PELI2: variants seen among roughly 807,000 people sequenced by gnomAD.
The protein encoded by PELI2 is E3 ubiquitin-protein ligase pellino homolog 2.
PELI2 carries 23 observed loss-of-function variants against 42.3 expected under a neutral mutation model. That is an observed-to-expected ratio of 0.54 (90% confidence interval 0.39 to 0.77). The LOEUF is 0.77. Among genes scored for constraint, PELI2 ranks in the 30% least tolerant of loss-of-function variants. The pLI is 0.00. For synonymous variants in PELI2, 245 were observed against 212.2 expected (o/e 1.15, Z -1.34); for missense variants, 463 against 553.2 (o/e 0.84, Z 1.64).
chr14:56,234,296 A>G (rs1471083931), intron 2 of PELI2, among the ~76,000 whole-genome samples: 1 of 152,172 alleles, frequency 6.6e-6, no homozygotes, highest in Non-Finnish European at 1.5e-5. Flanking sequence ...AAAGACACAT[A>G]CACACGTATG....
intron 2 of PELI2, among the ~76,000 whole-genome samples, chr14:56,251,302 G>A (rs555409327): frequency 6.6e-6 from 1 of 152,340 alleles, no homozygotes; most frequent in South Asian, 2.1e-4. Context: ...ATCCTCCTAG[G>A]AAGATAGTAG....
intron 1 of PELI2, among the ~76,000 whole-genome samples, chr14:56,139,084 A>G (rs1883800289): frequency 1.3e-5 from 2 of 152,240 alleles, no homozygotes; most frequent in Non-Finnish European, 2.9e-5. Flanking sequence ...AATAAGCCAC[A>G]GAATCCTTAA....
intron 1 of PELI2, among the ~76,000 whole-genome samples, chr14:56,153,953 T>C (rs1159212066): frequency 6.6e-6 from 1 of 152,188 alleles, no homozygotes; most frequent in Non-Finnish European, 1.5e-5. Context: ...CAAATCTAAA[T>C]TGAGTAATAC....
At chr14:56,142,895 A>G (rs3912203) in intron 1 of PELI2, among the ~76,000 whole-genome samples, 19,378 of 152,172 alleles carry the variant, frequency 0.13, 1,442 homozygotes, top group Middle Eastern at 0.17. Flanking sequence ...AAATTGTTCA[A>G]CTATACAGAG....
At chr14:56,282,978 TTTTTTACCACTTAA>T (rs1889529434) in intron 3 of PELI2, among the ~76,000 whole-genome samples, 1 of 152,230 alleles carries the variant, frequency 6.6e-6, no homozygotes, top group African/African-American at 2.4e-5. Context: ...TCAGTGATAC[TTTTTTACCACTTAA>T]ATTCAAAAAC....
At chr14:56,246,738 T>G (rs1289621551) in intron 2 of PELI2, among the ~76,000 whole-genome samples, 1 of 152,228 alleles carries the variant, frequency 6.6e-6, no homozygotes, top group Non-Finnish European at 1.5e-5. Context: ...GACTCAAAAG[T>G]TAAGTAAATT....
intron 1 of PELI2, among the ~76,000 whole-genome samples, chr14:56,119,403 G>A (rs1023623656): frequency 1.3e-5 from 2 of 152,042 alleles, no homozygotes; most frequent in Admixed American, 6.5e-5. Context: ...TGGAGGGGAG[G>A]GACAGGATGC....
At chr14:56,278,748 T>C (rs1889381212) in intron 2 of PELI2, among the ~76,000 whole-genome samples, 1 of 152,204 alleles carries the variant, frequency 6.6e-6, no homozygotes, top group Non-Finnish European at 1.5e-5. Flanking sequence ...CAGTTTCTTC[T>C]AGATGCTTTC....
chr14:56,159,262 C>T (rs767195353), intron 1 of PELI2, among the ~76,000 whole-genome samples: 6 of 152,146 alleles, frequency 3.9e-5, no homozygotes, highest in East Asian at 3.9e-4. Flanking sequence ...AGTGGCTTTG[C>T]GCCTGCTGTG....
At chr14:56,220,564 C>CA (rs1257619980) in intron 2 of PELI2, among the ~76,000 whole-genome samples, 3 of 151,862 alleles carry the variant, frequency 2.0e-5, no homozygotes, top group Admixed American at 1.3e-4. Flanking sequence ...GTGATTGTGC[C>CA]AAAAAATCAT....
intron 1 of PELI2, among the ~76,000 whole-genome samples, chr14:56,122,205 T>G (rs1392522317): frequency 6.6e-6 from 1 of 152,216 alleles, no homozygotes; most frequent in African/African-American, 2.4e-5. Context: ...GGCACGTATG[T>G]ACCTATGTAA....
Position 56,205,791 on chromosome 14 carries a change from G to A in PELI2, c.207+27327G>A, listed in dbSNP as rs79145464. ...GGCCCTTGTGCTCAGGGTTGCCTCC[G>A]TCACACACACCTGACCCTGCACTGG... On this transcript the variant is annotated intron_variant, in intron 2 of 5. Transcript: ENST00000267460. Among the ~76,000 whole-genome samples the A allele has an allele frequency of 3.8e-3, 583 of 152,250 alleles. 2 individuals are homozygous for A. Among genetic ancestry groups the A allele is most frequent in the Non-Finnish European group, 5.2e-3 (351 of 68,016 alleles).
intron 2 of PELI2, among the ~76,000 whole-genome samples, chr14:56,260,452 A>G (rs1049932436): frequency 3.9e-5 from 6 of 152,248 alleles, no homozygotes; most frequent in South Asian, 2.1e-4. Flanking sequence ...AACCCTATCA[A>G]TGGTTCCTGG....
At chr14:56,119,610 G>C (rs1429780050) in intron 1 of PELI2, 1 of 200,382 alleles carries the variant, frequency 5.0e-6, no homozygotes, top group Non-Finnish European at 8.9e-6. Context: ...TACTTCCTGA[G>C]TTTCCTTGTG....
chr14:56,122,056 A>T (rs1883079881), intron 1 of PELI2, among the ~76,000 whole-genome samples: 1 of 152,234 alleles, frequency 6.6e-6, no homozygotes, highest in African/African-American at 2.4e-5. Flanking sequence ...AAAGACAGTG[A>T]TGTTTTGAAA....
intron 1 of PELI2, among the ~76,000 whole-genome samples, chr14:56,172,435 G>A (rs549252691): frequency 3.9e-5 from 6 of 152,306 alleles, no homozygotes; most frequent in South Asian, 2.1e-4. Context: ...AACCACTAGA[G>A]CCAGCCCAGA....
intron 5 of PELI2, among the ~76,000 whole-genome samples, chr14:56,291,195 G>C (rs555864402): frequency 6.6e-6 from 1 of 152,298 alleles, no homozygotes; most frequent in South Asian, 2.1e-4. Context: ...TTGCTAGGTA[G>C]AAGCTAGAAC....
intron 2 of PELI2, among the ~76,000 whole-genome samples, chr14:56,249,664 A>G (rs429676): frequency 0.91 from 138,075 of 152,190 alleles, 62,913 homozygotes; most frequent in Middle Eastern, 0.95. Context: ...AGGAGGCAAT[A>G]TGGGAATACA....
intron 2 of PELI2, among the ~76,000 whole-genome samples, chr14:56,201,292 A>G (rs531117814): frequency 1.9e-4 from 29 of 152,346 alleles, no homozygotes; most frequent in Admixed American, 1.4e-3. Flanking sequence ...TGCAAAAGAT[A>G]TAGATAAAGA....
Sources: gnomAD v4.1 joint callset for allele counts (sites outside exome capture counted in the v4.1 genomes callset) on GRCh38, gnomAD v4.1.1 for gene constraint, MANE v1.5 for transcripts, NCBI Gene and HGNC (gene_info 2026-07-23, HGNC 2026-07-21) for gene names.